The following EVI5L variants were observed in gnomAD, a reference collection of about 807,000 sequenced individuals.
EVI5L encodes ecotropic viral integration site 5 like.
EVI5L carries 30 observed loss-of-function variants against 106.1 expected under a neutral mutation model. That is an observed-to-expected ratio of 0.28 (90% CI 0.21 to 0.38). The LOEUF is 0.38. EVI5L is among the 10% of genes least tolerant of loss of function. The probability of loss-of-function intolerance (pLI) is 1.00; values close to 1 mark genes in which losing one functional copy is unlikely to be tolerated. For synonymous variants in EVI5L, 489 were observed against 483.3 expected (o/e 1.01, Z -0.15); for missense variants, 809 against 1,098.0 (o/e 0.74, Z 3.72).
rs1214152951 is a variant in EVI5L at position 7,856,215 on chromosome 19, C to A, written c.1200+147C>A. The A allele has an allele frequency of 1.1e-5, 8 of 756,560 alleles. No homozygotes were observed. In the East Asian group the frequency reaches 2.7e-4, roughly 25 times the overall value. The allele number at this position is 756,560 out of a possible 1,614,324, so 46.9% of individuals were successfully genotyped here. On this transcript the variant is annotated intron_variant, in intron 11 of 19. Transcript: ENST00000538904. This position sits in a 1 kb window ranked among gnomAD's most constrained non-coding sequence, Gnocchi z 6.6. ...CCTACCTTCCTGCCCCAGGACCCGACCTGAACCCGATTTGGAGTGCCCTGC... is the reference window on the plus strand; with the variant it reads ...CCTACCTTCCTGCCCCAGGACCCGAACTGAACCCGATTTGGAGTGCCCTGC...
intron 1 of EVI5L, among the ~76,000 whole-genome samples, chr19:7,842,346 T>C (rs981847124): frequency 9.0e-5 from 9 of 99,474 alleles, no homozygotes; most frequent in African/African-American, 3.2e-4. Context: ...TGTGTGCATG[T>C]GTGTGTGAAT....
At position 7,857,957 on chromosome 19, in the gene EVI5L, C is replaced by T; in HGVS notation, c.1234-234C>T. The T allele has an allele frequency of 1.9e-6, 1 of 530,590 alleles. No homozygotes were observed. Among genetic ancestry groups the T allele is most frequent in the Non-Finnish European group, 3.4e-6 (1 of 297,078 alleles). The allele number at this position is 530,590 out of a possible 1,614,324, so 32.9% of individuals were successfully genotyped here. A position where few individuals can be genotyped will look rare whatever the true frequency, so the allele number is the denominator to read the frequency against. On this transcript the variant is annotated intron_variant, in intron 12 of 19. Transcript: ENST00000538904. The surrounding 1 kb of genome is among the most constrained non-coding windows in gnomAD (Gnocchi z 4.5). ...GGGGAAGGAGATGGAGCTTTCCAAGCCCAGGGCTAGCTCTGTTCCTCCCGG... is the reference window on the plus strand; with the variant it reads ...GGGGAAGGAGATGGAGCTTTCCAAGTCCAGGGCTAGCTCTGTTCCTCCCGG...
intron 13 of EVI5L, among the ~76,000 whole-genome samples, chr19:7,859,428 A>G (rs773370703): frequency 5.3e-5 from 8 of 152,198 alleles, no homozygotes; most frequent in Non-Finnish European, 1.0e-4. Context: ...GCCATCCAAT[A>G]CAGAGGTGCC....
intron 1 of EVI5L, among the ~76,000 whole-genome samples, chr19:7,836,968 C>A (rs529806366): frequency 6.6e-6 from 1 of 152,012 alleles, no homozygotes; most frequent in African/African-American, 2.4e-5. Context: ...TGGGCTGAGG[C>A]AGGAGGATCC....
chr19:7,862,893 G>C (rs186630069), intron 17 of EVI5L, 79 bp from the exon 18 acceptor site: 164,701 of 995,254 alleles, frequency 0.17, 16,043 homozygotes, highest in Non-Finnish European at 0.18. Flanking sequence ...CTCCTCATTC[G>C]CCCCTGCCCG....
Position 7,857,736 on chromosome 19 carries a change from GC to G in EVI5L, c.1234-451del. 1 of 182,716 alleles carries G rather than the reference GC, an allele frequency of 5.5e-6. No individual in the cohort carries two copies. The highest frequency in any genetic ancestry group is 1.1e-5 in the Non-Finnish European group (1 of 87,182). 11.3% of individuals were successfully genotyped at this position (182,716 alleles called of 1,614,324 possible). ...GGGTCTTAGCTCCAGGCAGGTGGAG[GC>G]CCCAGAGCCCAGGACTAGAGAAGAT... On this transcript the variant is annotated intron_variant, in intron 12 of 19. Coordinates refer to ENST00000538904, the MANE Select transcript of EVI5L (RefSeq NM_001159944.3). This position sits in a 1 kb window ranked among gnomAD's most constrained non-coding sequence, Gnocchi z 4.5.
At chr19:7,853,218 G>T (rs202104681) in intron 9 of EVI5L, 35 bp downstream of exon 9, 1 of 1,614,020 alleles carries the variant, frequency 6.2e-7, no homozygotes, top group East Asian at 2.2e-5. Flanking sequence ...GTACTGGTAA[G>T]AAGGGGGGAC....
chr19:7,839,111 G>T (rs1424446461), intron 1 of EVI5L, among the ~76,000 whole-genome samples: 1 of 151,912 alleles, frequency 6.6e-6, no homozygotes, highest in African/African-American at 2.4e-5. Context: ...GACCATCCTG[G>T]GTAACACAGT....
rs1979540825 is a variant in EVI5L at position 7,856,657 on chromosome 19, T to C, written c.1201-435T>C. Among the ~76,000 whole-genome samples, 1 of 152,084 alleles carries C rather than the reference T, an allele frequency of 6.6e-6. No homozygotes were observed. The highest frequency in any genetic ancestry group is 1.5e-5 in the Non-Finnish European group (1 of 67,998). The stretch of plus-strand genomic sequence containing the variant: ...CACAGGAAGTGGGTTGGCAGCCGGA[T>C]TTGGTTGCCCTCACCCCAAAGCCTT... On this transcript the variant is annotated intron_variant, in intron 11 of 19. Coordinates refer to ENST00000538904, the MANE Select transcript of EVI5L (RefSeq NM_001159944.3). The surrounding 1 kb of genome is among the most constrained non-coding windows in gnomAD (Gnocchi z 6.6).
chr19:7,855,686 A>T (rs989045760), intron 10 of EVI5L, among the ~76,000 whole-genome samples: 2 of 152,226 alleles, frequency 1.3e-5, no homozygotes, highest in Admixed American at 1.3e-4. Flanking sequence ...AACCCTTGGC[A>T]GACTGACCCA....
At chr19:7,860,224 G>A (rs867859837) in intron 13 of EVI5L, among the ~76,000 whole-genome samples, 9 of 152,012 alleles carry the variant, frequency 5.9e-5, no homozygotes, top group African/African-American at 1.7e-4. Context: ...TGGCTGGAAC[G>A]GTGACCACCC....
chr19:7,841,456 C>A (rs1157880226), intron 1 of EVI5L, among the ~76,000 whole-genome samples: 1 of 152,024 alleles, frequency 6.6e-6, no homozygotes, highest in East Asian at 1.9e-4. Context: ...GCGGCAGTGC[C>A]CCCGAGAGGG....
intron 1 of EVI5L, among the ~76,000 whole-genome samples, chr19:7,844,331 CAA>C (rs71179149): frequency 5.1e-4 from 67 of 132,434 alleles, no homozygotes; most frequent in East Asian, 2.6e-3. Context: ...GACTCCGTCT[CAA>C]AAAAAAAAAA....
At chr19:7,832,306 G>T (rs1361129600) in intron 1 of EVI5L, among the ~76,000 whole-genome samples, 3 of 152,226 alleles carry the variant, frequency 2.0e-5, no homozygotes, top group Non-Finnish European at 4.4e-5. Flanking sequence ...GAGGAGCCGG[G>T]CCGGTCCAGT....
intron 1 of EVI5L, among the ~76,000 whole-genome samples, chr19:7,832,043 G>A (rs562512733): frequency 3.9e-5 from 6 of 152,278 alleles, no homozygotes; most frequent in South Asian, 2.1e-4. Context: ...ATTCCCCCTC[G>A]GCCGGGATGT....
Position 7,863,743 on chromosome 19 carries a change from C to A in EVI5L, c.*41C>A, listed in dbSNP as rs1316376053. The A allele has an allele frequency of 7.0e-7, 1 of 1,427,690 alleles. No individual in the cohort carries two copies. Among genetic ancestry groups the A allele is most frequent in the Non-Finnish European group, 9.1e-7 (1 of 1,096,948 alleles). 88.4% of individuals were successfully genotyped at this position (1,427,690 alleles called of 1,614,324 possible). On this transcript the variant is annotated 3_prime_UTR_variant, in exon 20 of 20. Transcript: ENST00000538904. This position sits in a 1 kb window ranked among gnomAD's most constrained non-coding sequence, Gnocchi z 7.7. Reference sequence around the variant, plus strand: ...GCCCGGAGTCAGGAGGCCGCAGCCGCGGGGGGCGCCCGGGCAGTCCGCGTT... The same window carrying A: ...GCCCGGAGTCAGGAGGCCGCAGCCGAGGGGGGCGCCCGGGCAGTCCGCGTT...
In EVI5L at chr19:7,863,101, C is replaced by T; in HGVS notation, c.2043+34C>T. 1.4e-6 allele frequency: 2 copies of T among 1,430,904 alleles called. No homozygotes were observed. The highest frequency in any genetic ancestry group is 1.8e-6 in the Non-Finnish European group (2 of 1,090,312). The allele number at this position is 1,430,904 out of a possible 1,614,324, so 88.6% of individuals were successfully genotyped here. ...CGGGGCCGGGGTCGGGGGGCGGGGG[C>T]GGGGGCAGGGCCCGGGGCAGGAGCG... On this transcript the variant is annotated intron_variant, in intron 18 of 19. Coordinates refer to ENST00000538904, the MANE Select transcript of EVI5L (RefSeq NM_001159944.3). This position sits in a 1 kb window ranked among gnomAD's most constrained non-coding sequence, Gnocchi z 7.7.
chr19:7,836,002 C>T (rs1034941172), intron 1 of EVI5L, among the ~76,000 whole-genome samples: 3 of 150,072 alleles, frequency 2.0e-5, no homozygotes, highest in East Asian at 2.0e-4. Context: ...TTTGGGAGGC[C>T]GAGGCGGGAG....
At chr19:7,861,031 C>T (rs1044678334) in intron 14 of EVI5L, among the ~76,000 whole-genome samples, 2 of 152,060 alleles carry the variant, frequency 1.3e-5, no homozygotes, top group Non-Finnish European at 2.9e-5. Flanking sequence ...ATTGTGGCTG[C>T]CTCCCTACAC....
Sources: allele counts gnomAD v4.1 joint callset (sites outside exome capture counted in the v4.1 genomes callset), GRCh38; gene constraint gnomAD v4.1.1; non-coding constraint Gnocchi (gnomAD v3.1); transcripts MANE v1.5; gene names NCBI Gene and HGNC (gene_info 2026-07-23, HGNC 2026-07-21).